Variants in ENTREP2 observed in about 807,000 individuals in gnomAD.
ENTREP2 encodes the protein endosomal transmembrane epsin interactor 2.
the ENTREP2 span, among the ~76,000 whole-genome samples, chr15:29,579,170 T>C: frequency 6.6e-6 from 1 of 152,172 alleles, no homozygotes; most frequent in Admixed American, 6.5e-5. Context: ...GGCTCTAAAG[T>C]ATGGGTCACC....
chr15:29,674,979 A>T, the ENTREP2 span: 1 of 119,672 alleles, frequency 8.4e-6, no homozygotes, highest in African/African-American at 3.2e-5. Context: ...CCTCTCCGCC[A>T]CCCCGGACTC....
chr15:29,261,519 A>G, the ENTREP2 span, among the ~76,000 whole-genome samples: 135 of 152,376 alleles, frequency 8.9e-4, no homozygotes, highest in African/African-American at 2.3e-3. Context: ...ATCTCTAAAA[A>G]GGAAAAGACA....
At chr15:29,308,922 G>GA in the ENTREP2 span, among the ~76,000 whole-genome samples, 101 of 152,290 alleles carry the variant, frequency 6.6e-4, 1 homozygote, top group African/African-American at 2.4e-3. Flanking sequence ...GAGACCCTGT[G>GA]AAATGATTCT....
At chr15:29,311,000 G>A in the ENTREP2 span, among the ~76,000 whole-genome samples, 1 of 149,892 alleles carries the variant, frequency 6.7e-6, no homozygotes, top group Non-Finnish European at 1.5e-5. Flanking sequence ...GGGGGAAGGT[G>A]TGAGATCTCC....
At chr15:29,402,001 C>T in the ENTREP2 span, among the ~76,000 whole-genome samples, 3 of 151,888 alleles carry the variant, frequency 2.0e-5, no homozygotes, top group African/African-American at 7.3e-5. Flanking sequence ...AAGGAGGAGG[C>T]GAGGGGGAAC....
the ENTREP2 span, among the ~76,000 whole-genome samples, chr15:29,490,008 T>C: frequency 2.0e-5 from 3 of 152,244 alleles, no homozygotes; most frequent in African/African-American, 7.2e-5. Flanking sequence ...TCAATAATTC[T>C]ATTGGGTTCA....
the ENTREP2 span, among the ~76,000 whole-genome samples, chr15:29,290,209 C>T: frequency 2.0e-5 from 3 of 152,348 alleles, no homozygotes; most frequent in African/African-American, 7.2e-5. Flanking sequence ...TCTAGCCTCA[C>T]CTCCTACTTT....
At chr15:29,132,292 G>A in the ENTREP2 span, among the ~76,000 whole-genome samples, 81 of 152,290 alleles carry the variant, frequency 5.3e-4, no homozygotes, top group African/African-American at 1.7e-3. Flanking sequence ...CTGGCGGCAC[G>A]GCCTTCCCTC....
chr15:29,533,738 C>T, the ENTREP2 span, among the ~76,000 whole-genome samples: 1 of 151,980 alleles, frequency 6.6e-6, no homozygotes, highest in Non-Finnish European at 1.5e-5. Context: ...GCCAGTCTGA[C>T]ATCAGTAAAA....
the ENTREP2 span, among the ~76,000 whole-genome samples, chr15:29,258,422 A>G: frequency 6.6e-6 from 1 of 152,152 alleles, no homozygotes; most frequent in South Asian, 2.1e-4. Context: ...CCTGAGACTT[A>G]GTAAGTGCTG....
the ENTREP2 span, among the ~76,000 whole-genome samples, chr15:29,183,868 A>G: frequency 3.9e-5 from 6 of 152,206 alleles, 1 homozygote; most frequent in East Asian, 1.2e-3. Context: ...ATGTATGATA[A>G]TATATTTCTT....
At chr15:29,515,199 C>T in the ENTREP2 span, among the ~76,000 whole-genome samples, 1 of 152,214 alleles carries the variant, frequency 6.6e-6, no homozygotes, top group Admixed American at 6.5e-5. Flanking sequence ...CCCAGCTAGA[C>T]AGTGCAGAGC....
chr15:29,280,207 A>G, the ENTREP2 span, among the ~76,000 whole-genome samples: 165 of 152,350 alleles, frequency 1.1e-3, 2 homozygotes, highest in East Asian at 0.025. Context: ...AAAACGTGTA[A>G]ATCATGCTCA....
the ENTREP2 span, among the ~76,000 whole-genome samples, chr15:29,338,687 C>G: frequency 9.2e-5 from 14 of 152,146 alleles, no homozygotes; most frequent in Non-Finnish European, 1.9e-4. Flanking sequence ...TCCAACCACC[C>G]AGCTTGATGT....
At chr15:29,216,659 T>C in the ENTREP2 span, among the ~76,000 whole-genome samples, 26 of 152,320 alleles carry the variant, frequency 1.7e-4, no homozygotes, top group African/African-American at 6.3e-4. Context: ...TTTGCAAACA[T>C]TTAAAAATGA....
At chr15:29,177,603 C>T in the ENTREP2 span, among the ~76,000 whole-genome samples, 67 of 152,264 alleles carry the variant, frequency 4.4e-4, no homozygotes, top group African/African-American at 1.6e-3. Flanking sequence ...TCTGCACCCA[C>T]GAAACTCAGT....
chr15:29,236,053 CAG>C, the ENTREP2 span, among the ~76,000 whole-genome samples: 1 of 151,708 alleles, frequency 6.6e-6, no homozygotes, highest in Non-Finnish European at 1.5e-5. Flanking sequence ...AAATAAAAAA[CAG>C]AAAAACAATT....
At chr15:29,196,768 T>C in the ENTREP2 span, 3 of 499,696 alleles carry the variant, frequency 6.0e-6, no homozygotes, top group South Asian at 4.2e-5. Flanking sequence ...CAGCAATGTA[T>C]AGAAAAAGCA....
At chr15:29,633,046 G>A in the ENTREP2 span, among the ~76,000 whole-genome samples, 3 of 152,338 alleles carry the variant, frequency 2.0e-5, no homozygotes, top group Admixed American at 1.3e-4. Context: ...CATTAGGATT[G>A]CATCCAGCAT....
Sources: allele counts gnomAD v4.1 joint callset (sites outside exome capture counted in the v4.1 genomes callset), GRCh38; gene constraint gnomAD v4.1.1; transcripts MANE v1.5; gene names NCBI Gene and HGNC (gene_info 2026-07-23, HGNC 2026-07-21).